The following KIF1A variants were observed in gnomAD, a reference collection of about 807,000 sequenced individuals.
KIF1A encodes kinesin family member 1A, also known as kinesin-like protein KIF1A.
KIF1A carries 46 observed loss-of-function variants against 227.3 expected under a neutral mutation model. The ratio of observed to expected loss-of-function variants is 0.20; its 90% confidence interval spans 0.16 to 0.26. The LOEUF (loss-of-function observed/expected upper bound fraction) is 0.26. Ranked by LOEUF, KIF1A falls within the 10% of genes least tolerant of loss-of-function variation. The pLI, the probability that KIF1A is intolerant of heterozygous loss-of-function variation, is 1.00. For missense variants in KIF1A, 1,683 were observed against 2,485.9 expected (o/e 0.68, Z 6.87); for synonymous variants, 1,022 against 1,012.8 (o/e 1.01, Z -0.17).
At chr2:240,782,258 T>TCTCCATGTC (rs2054144518) in intron 10 of KIF1A, 1 of 949,882 alleles carries the variant, frequency 1.1e-6, no homozygotes, top group Admixed American at 6.2e-5. Context: ...TCCCCAGCCC[T>TCTCCATGTC]CTCCATGTCC....
chr2:240,759,381 C>G (rs2050237715), intron 25 of KIF1A, among the ~76,000 whole-genome samples: 1 of 152,116 alleles, frequency 6.6e-6, no homozygotes, highest in Admixed American at 6.5e-5. Flanking sequence ...CCTCCTTTCT[C>G]TAACTTTTTC....
intron 17 of KIF1A, among the ~76,000 whole-genome samples, chr2:240,768,369 T>C (rs984478859): frequency 5.9e-5 from 9 of 152,206 alleles, no homozygotes; most frequent in Non-Finnish European, 1.2e-4. Flanking sequence ...ACAGCTCTTC[T>C]CAGGCCCTTC....
intron 14 of KIF1A, 87 bp downstream of exon 14, chr2:240,772,483 C>T: frequency 8.4e-7 from 1 of 1,183,452 alleles, no homozygotes. Flanking sequence ...CCCTGGGGTT[C>T]ACCCCTCCCT....
At chr2:240,724,202 C>A in intron 40 of KIF1A, 166 bp from the exon 41 acceptor site, 1 of 669,998 alleles carries the variant, frequency 1.5e-6, no homozygotes, top group East Asian at 2.7e-5. Context: ...GTCCTCATCC[C>A]AGACTCCCTC....
At chr2:240,820,612 T>C (rs979495394), upstream of KIF1A, among the ~76,000 whole-genome samples, 12 of 144,438 alleles carry the variant, frequency 8.3e-5, no homozygotes, top group African/African-American at 3.1e-4. The surrounding 1 kb of genome is among the most constrained non-coding windows in gnomAD (Gnocchi z 6.2). Context: ...CCCTTTCGAG[T>C]GAAATCGTAA....
chr2:240,781,710 C>T (rs1461570367), intron 10 of KIF1A: 2 of 962,538 alleles, frequency 2.1e-6, no homozygotes, highest in East Asian at 1.1e-4. Flanking sequence ...TGTCCTGTGC[C>T]GTTTCCCACA....
intron 1 of KIF1A, among the ~76,000 whole-genome samples, chr2:240,811,656 C>T (rs142822092): frequency 2.3e-4 from 35 of 152,210 alleles, no homozygotes; most frequent in Non-Finnish European, 4.1e-4. Context: ...AGGAAGTCAT[C>T]AGAAACAAGA....
At chr2:240,808,482 G>C (rs921613663) in intron 1 of KIF1A, among the ~76,000 whole-genome samples, 14 of 148,910 alleles carry the variant, frequency 9.4e-5, no homozygotes, top group African/African-American at 3.5e-4. Flanking sequence ...AACATAGCAA[G>C]ACCCATTTCT....
Position 240,740,436 on chromosome 2 carries a change from T to C in KIF1A, c.3750-72A>G, listed in dbSNP as rs895325934. 4 of 1,306,964 alleles carry C rather than the reference T, an allele frequency of 3.1e-6. No homozygotes were observed. Among genetic ancestry groups the C allele is most frequent in the Non-Finnish European group, 3.3e-6 (3 of 908,740 alleles). 81.0% of individuals were successfully genotyped at this position (1,306,964 alleles called of 1,614,324 possible). A position where few individuals can be genotyped will look rare whatever the true frequency, so the allele number is the denominator to read the frequency against. On this transcript the variant is annotated intron_variant, in intron 35 of 48. Coordinates refer to ENST00000498729, the MANE Select transcript of KIF1A (RefSeq NM_001244008.2). The surrounding 1 kb of genome is among the most constrained non-coding windows in gnomAD (Gnocchi z 6.1). ...GCCCTCCCCGCAGCACAGGACACAG[T>C]GGACGGGAGCAAAAACAGGGAAAAG... is the stretch of plus-strand genomic sequence containing the variant.
At chr2:240,771,950 C>A (rs531242043) in intron 14 of KIF1A, among the ~76,000 whole-genome samples, 5 of 152,306 alleles carry the variant, frequency 3.3e-5, no homozygotes, top group East Asian at 3.9e-4. Context: ...CGGGACCACA[C>A]GGGGTGTGGG....
intron 2 of KIF1A, among the ~76,000 whole-genome samples, chr2:240,791,816 C>T (rs1191042490): frequency 1.3e-5 from 2 of 152,100 alleles, no homozygotes; most frequent in Admixed American, 6.5e-5. Context: ...CTGTAAATGG[C>T]CCTTGGGAGA....
intron 20 of KIF1A, among the ~76,000 whole-genome samples, chr2:240,765,107 C>T (rs370553677): frequency 6.6e-6 from 1 of 152,390 alleles, no homozygotes; most frequent in African/African-American, 2.4e-5. Flanking sequence ...CAGGCTGCTG[C>T]TGTTTCTCTG....
Position 240,757,432 on chromosome 2 carries a change from C to A in KIF1A, c.2745G>T (p.Glu915Asp), listed in dbSNP as rs1371165727. Residue 915 changes from glutamate to aspartate, a missense_variant, in exon 27 of 49, where the codon GAG becomes GAT. Physicochemically the swap from Glu to Asp is conservative, Grantham distance 45. This residue lies in a region of KIF1A where 759 missense variants were observed against 1,020.2 expected (regional missense o/e 0.74). Coordinates refer to ENST00000498729, the MANE Select transcript of KIF1A (RefSeq NM_001244008.2). The surrounding 1 kb of genome is among the most constrained non-coding windows in gnomAD (Gnocchi z 6.2). ...GGTCCTCCTCCTCCTCATCCTCCTC[C>A]TCCTCCTCCTCCTCCTCCTCCTCCC... is the stretch of plus-strand genomic sequence containing the variant. ...SVGEEEEEEE[E>D]EEDEEEEDLE... The A allele has an allele frequency of 2.0e-6, 3 of 1,505,660 alleles. No homozygotes were observed. In the South Asian group the frequency reaches 3.6e-5, roughly 18 times the overall value. The allele number at this position is 1,505,660 out of a possible 1,614,324, so 93.3% of individuals were successfully genotyped here.
intron 16 of KIF1A, among the ~76,000 whole-genome samples, 154 bp downstream of exon 16, chr2:240,769,473 C>T (rs1022650398): frequency 6.6e-5 from 10 of 152,226 alleles, no homozygotes; most frequent in Admixed American, 5.2e-4. Context: ...GGGTCATTGG[C>T]GATGAGGGAA....
At position 240,740,808 on chromosome 2, in the gene KIF1A, T is replaced by C. The variant is rs1270642282; in HGVS notation, c.3750-444A>G. On this transcript the variant is annotated intron_variant, in intron 35 of 48. Transcript: ENST00000498729. The surrounding 1 kb of genome is among the most constrained non-coding windows in gnomAD (Gnocchi z 6.1). ...GTCTCCACCAGGCCCCACTCTGAGC[T>C]GCCAGCCACAGCCCAGCTCCCAGCT... Among the ~76,000 whole-genome samples, 1 of 152,092 alleles carries C rather than the reference T, an allele frequency of 6.6e-6. No homozygotes were observed. Among genetic ancestry groups the C allele is most frequent in the African/African-American group, 2.4e-5 (1 of 41,428 alleles).
At chr2:240,774,391 A>ACCCCCCCC (rs570956380) in intron 11 of KIF1A, 130 bp from the exon 12 acceptor site, 10 of 253,668 alleles carry the variant, frequency 3.9e-5, no homozygotes, top group African/African-American at 1.2e-4. Flanking sequence ...TCACAGGCTT[A>ACCCCCCCC]CCCCCCCCCC....
chr2:240,746,319 G>A, intron 29 of KIF1A, 142 bp from the exon 30 acceptor site: 1 of 975,034 alleles, frequency 1.0e-6, no homozygotes, highest in Non-Finnish European at 1.5e-6. Flanking sequence ...CCAGACCTGT[G>A]CCTGCCTTGT....
intron 34 of KIF1A, among the ~76,000 whole-genome samples, 153 bp from the exon 35 acceptor site, chr2:240,741,530 C>T (rs2047968760): frequency 6.6e-6 from 1 of 152,210 alleles, no homozygotes; most frequent in South Asian, 2.1e-4. Flanking sequence ...CAACCCCAGC[C>T]ATTCCCAAGA....
chr2:240,800,464 C>T (rs1221642314), intron 1 of KIF1A, among the ~76,000 whole-genome samples: 1 of 152,164 alleles, frequency 6.6e-6, no homozygotes, highest in African/African-American at 2.4e-5. Flanking sequence ...GGAGGGGCTG[C>T]CAAGACGGGA....
Sources: allele counts gnomAD v4.1 joint callset (sites outside exome capture counted in the v4.1 genomes callset), GRCh38; gene constraint gnomAD v4.1.1; regional missense constraint gnomAD v4.1.1; non-coding constraint Gnocchi (gnomAD v3.1); transcripts MANE v1.5; gene names NCBI Gene and HGNC (gene_info 2026-07-23, HGNC 2026-07-21).